The following GABRA2 variants were observed in gnomAD, a reference collection of about 807,000 sequenced individuals.
GABRA2 encodes the protein gamma-aminobutyric acid type A receptor subunit alpha2, also known as gamma-aminobutyric acid receptor subunit alpha-2.
A neutral mutation model predicts 48.7 loss-of-function variants in GABRA2; 16 were observed. The observed-to-expected ratio is 0.33, with a 90% CI of 0.22 to 0.50. The LOEUF (loss-of-function observed/expected upper bound fraction) is 0.50. GABRA2 is among the 20% of genes least tolerant of loss of function. GABRA2 has a pLI of 0.98. For missense variants in GABRA2, 275 were observed against 535.6 expected (o/e 0.51, Z 4.80); for synonymous variants, 185 against 184.5 (o/e 1.00, Z -0.02).
chr4:46,388,820 TA>T (rs1717831244), intron 1 of GABRA2, 104 bp from the exon 2 acceptor site: 1 of 1,553,222 alleles, frequency 6.4e-7, no homozygotes, highest in Non-Finnish European at 8.7e-7. Flanking sequence ...GGATTCGTGT[TA>T]AAGCTATGGA....
At chr4:46,378,904 G>A (rs934322416) in intron 3 of GABRA2, among the ~76,000 whole-genome samples, 5 of 151,730 alleles carry the variant, frequency 3.3e-5, no homozygotes, top group Admixed American at 6.6e-5. Flanking sequence ...CCTGACACTT[G>A]CTGTATGGGG....
At chr4:46,375,663 C>G (rs1282951271) in intron 3 of GABRA2, among the ~76,000 whole-genome samples, 1 of 152,136 alleles carries the variant, frequency 6.6e-6, no homozygotes, top group African/African-American at 2.4e-5. Flanking sequence ...TCACTCTTCC[C>G]TTTATGACAG....
At chr4:46,324,972 T>C (rs172156) in intron 4 of GABRA2, among the ~76,000 whole-genome samples, 70,291 of 151,756 alleles carry the variant, frequency 0.46, 16,434 homozygotes, top group East Asian at 0.56. Context: ...CCACCACCGA[T>C]GGGCATCTAG....
intron 8 of GABRA2, among the ~76,000 whole-genome samples, chr4:46,296,862 T>C (rs1724814173): frequency 6.6e-6 from 1 of 152,202 alleles, no homozygotes; most frequent in African/African-American, 2.4e-5. Context: ...AGAAAATGTC[T>C]TCATTTTGTT....
At chr4:46,267,994 G>A (rs919720096) in intron 8 of GABRA2, among the ~76,000 whole-genome samples, 2 of 151,884 alleles carry the variant, frequency 1.3e-5, no homozygotes, top group Non-Finnish European at 2.9e-5. Context: ...AAGACTTCTT[G>A]TCCCAAGCAT....
chr4:46,354,177 T>G (rs1294290905), intron 3 of GABRA2, among the ~76,000 whole-genome samples: 1 of 152,170 alleles, frequency 6.6e-6, no homozygotes, highest in Non-Finnish European at 1.5e-5. Context: ...AGCCAACATT[T>G]AAAAAAGTTT....
At chr4:46,305,544 T>G in intron 7 of GABRA2, 24 bp downstream of exon 7, 1 of 1,606,412 alleles carries the variant, frequency 6.2e-7, no homozygotes, top group Non-Finnish European at 8.5e-7. Flanking sequence ...GGCACCAGCT[T>G]TTTTAAAGAC....
At chr4:46,372,297 A>T (rs1560595097) in intron 3 of GABRA2, among the ~76,000 whole-genome samples, 1 of 152,160 alleles carries the variant, frequency 6.6e-6, no homozygotes, top group Non-Finnish European at 1.5e-5. Flanking sequence ...GCTGCAGAGA[A>T]CTATGAAGGT....
rs140253602 is a variant in GABRA2 at position 46,283,273 on chromosome 4, T to C, written c.856+20187A>G. Among the ~76,000 whole-genome samples, 6 of 152,272 alleles carry C rather than the reference T, an allele frequency of 3.9e-5. No homozygotes were observed. In the East Asian group the frequency reaches 1.2e-3, roughly 29 times the overall value. On this transcript the variant is annotated intron_variant, in intron 8 of 9. Coordinates refer to ENST00000381620, the MANE Select transcript of GABRA2 (RefSeq NM_000807.4). ...GGCAAACTGAGAGCAGAAGAAGTCTTTTACCCTTCCTCATTTTATTCTTCC... is the reference window on the plus strand; with the variant it reads ...GGCAAACTGAGAGCAGAAGAAGTCTCTTACCCTTCCTCATTTTATTCTTCC...
Position 46,247,863 on chromosome 4 carries a change from G to A in GABRA2, c.*2445C>T, listed in dbSNP as rs377107584. Among the ~76,000 whole-genome samples, 1 of 151,138 alleles carries A rather than the reference G, an allele frequency of 6.6e-6. No homozygotes were observed. The highest frequency in any genetic ancestry group is 2.0e-4 in the East Asian group (1 of 5,124). The stretch of plus-strand genomic sequence containing the variant: ...TTGATTTATTTAAACATTAAAAGAA[G>A]AAGAAATATGTAAAAAGTACATCAA... On this transcript the variant is annotated 3_prime_UTR_variant, in exon 10 of 10. Coordinates refer to ENST00000381620, the MANE Select transcript of GABRA2 (RefSeq NM_000807.4).
chr4:46,352,369 G>T (rs1423275627), intron 3 of GABRA2, among the ~76,000 whole-genome samples: 1 of 151,752 alleles, frequency 6.6e-6, no homozygotes, highest in Admixed American at 6.6e-5. Context: ...GTATTTGTGA[G>T]TCACAGATTA....
intron 3 of GABRA2, among the ~76,000 whole-genome samples, chr4:46,349,285 T>C (rs895107183): frequency 6.6e-6 from 1 of 152,014 alleles, no homozygotes; most frequent in Non-Finnish European, 1.5e-5. Context: ...AGTTACATTA[T>C]CTTTGAAATA....
chr4:46,261,370 CA>C (rs1337150556), intron 9 of GABRA2: 3 of 153,378 alleles, frequency 2.0e-5, no homozygotes, highest in African/African-American at 7.2e-5. Context: ...CGGGCTTTTA[CA>C]ATCAATCAGC....
intron 8 of GABRA2, among the ~76,000 whole-genome samples, chr4:46,289,716 A>C (rs989207442): frequency 1.3e-5 from 2 of 152,060 alleles, no homozygotes; most frequent in African/African-American, 4.8e-5. Context: ...TTACATTAAA[A>C]ACTAAGAAAA....
chr4:46,261,145 T>G (rs1716890807), intron 9 of GABRA2: 1 of 151,970 alleles, frequency 6.6e-6, no homozygotes, highest in South Asian at 2.1e-4. Flanking sequence ...CTACAGAGTA[T>G]GAAAGGAAAC....
At chr4:46,363,484 A>G (rs1713547542) in intron 3 of GABRA2, among the ~76,000 whole-genome samples, 2 of 152,172 alleles carry the variant, frequency 1.3e-5, no homozygotes, top group Admixed American at 6.5e-5. Flanking sequence ...GAGAAGAAAG[A>G]GACAGCAACA....
intron 8 of GABRA2, among the ~76,000 whole-genome samples, chr4:46,279,578 G>A (rs1721128359): frequency 6.6e-6 from 1 of 151,756 alleles, no homozygotes; most frequent in Admixed American, 6.6e-5. Flanking sequence ...ATATTGATAT[G>A]TCATAAAAAA....
intron 8 of GABRA2, among the ~76,000 whole-genome samples, chr4:46,279,734 A>G (rs897194903): frequency 1.3e-5 from 2 of 152,132 alleles, no homozygotes; most frequent in African/African-American, 2.4e-5. Flanking sequence ...AGTCCAACTC[A>G]TGATTGCTAT....
Position 46,307,004 on chromosome 4 carries a change from T to C in GABRA2, c.560-1293A>G, listed in dbSNP as rs532233978. Among the ~76,000 whole-genome samples the C allele has an allele frequency of 2.6e-5, 4 of 152,218 alleles. No homozygotes were observed. In the South Asian group the frequency reaches 6.2e-4, roughly 24 times the overall value. ...AAATGTTAGTATCAGTGAAACACCATTATCACTACATATATAGTCACCTAC... is the reference window on the plus strand; with the variant it reads ...AAATGTTAGTATCAGTGAAACACCACTATCACTACATATATAGTCACCTAC... On this transcript the variant is annotated intron_variant, in intron 6 of 9. Coordinates refer to ENST00000381620, the MANE Select transcript of GABRA2 (RefSeq NM_000807.4).
Sources: gnomAD v4.1 joint callset for allele counts (sites outside exome capture counted in the v4.1 genomes callset) on GRCh38, gnomAD v4.1.1 for gene constraint, MANE v1.5 for transcripts, NCBI Gene and HGNC (gene_info 2026-07-23, HGNC 2026-07-21) for gene names.